Variants in WDR33 observed in about 807,000 individuals in gnomAD.
The protein encoded by WDR33 is pre-mRNA 3' end processing protein WDR33.
Under a neutral mutation model 164.9 loss-of-function variants are expected in WDR33, and 47 were observed. The ratio of observed to expected loss-of-function variants is 0.29; its 90% CI spans 0.23 to 0.36. WDR33 has a LOEUF of 0.36. Among genes scored for constraint, WDR33 ranks in the 10% least tolerant of loss-of-function variants. The pLI, the probability that WDR33 is intolerant of heterozygous loss-of-function variation, is 1.00. For synonymous variants in WDR33, 505 were observed against 589.0 expected (o/e 0.86, Z 2.06); for missense variants, 1,137 against 1,754.1 (o/e 0.65, Z 6.28).
chr2:127,769,859 G>T (rs946962589), intron 2 of WDR33, among the ~76,000 whole-genome samples: 3 of 152,192 alleles, frequency 2.0e-5, no homozygotes, highest in African/African-American at 4.8e-5. Flanking sequence ...GGTAATATTA[G>T]TAATAAGGCT....
Position 127,735,478 on chromosome 2 carries a change from A to C in WDR33, c.725-8701T>G, listed in dbSNP as rs1686815700. The C allele has an allele frequency of 1.0e-6, 1 of 983,724 alleles. No homozygotes were observed. The highest frequency in any genetic ancestry group is 6.1e-5 in the Admixed American group (1 of 16,266). 60.9% of individuals were successfully genotyped at this position (983,724 alleles called of 1,614,324 possible). A position where few individuals can be genotyped will look rare whatever the true frequency, so the allele number is the denominator to read the frequency against. Reference sequence around the variant, plus strand: ...TCAGACCATTTTATGAACAAATCTTAAAAAAAATTCTTTTATACAAAACTT... The same window carrying C: ...TCAGACCATTTTATGAACAAATCTTCAAAAAAATTCTTTTATACAAAACTT... On this transcript the variant is annotated intron_variant, in intron 7 of 21. Coordinates refer to ENST00000322313, the MANE Select transcript of WDR33 (RefSeq NM_018383.5). The surrounding 1 kb of genome is among the most constrained non-coding windows in gnomAD (Gnocchi z 4.3).
chr2:127,747,663 T>G (rs1395964346), intron 7 of WDR33, among the ~76,000 whole-genome samples: 1 of 152,206 alleles, frequency 6.6e-6, no homozygotes, highest in African/African-American at 2.4e-5. Flanking sequence ...GCTTGTCTAA[T>G]GCTGGTTAAC....
In WDR33 at chr2:127,706,619, C is replaced by T. The variant is rs1241984605; in HGVS notation, c.3782-67G>A. On this transcript the variant is annotated intron_variant, in intron 21 of 21. Transcript: ENST00000322313. This position sits in a 1 kb window ranked among gnomAD's most constrained non-coding sequence, Gnocchi z 5.1. Reference sequence around the variant, plus strand: ...AACTGTTTGTCAGTAACTCCCAGTACAAACTTTACTCTCTGATGACAATGG... The same window carrying T: ...AACTGTTTGTCAGTAACTCCCAGTATAAACTTTACTCTCTGATGACAATGG... 2.8e-6 allele frequency: 4 copies of T among 1,419,188 alleles called. No individual in the cohort carries two copies. In the East Asian group the frequency reaches 7.0e-5, roughly 25 times the overall value. The allele number at this position is 1,419,188 out of a possible 1,614,324, so 87.9% of individuals were successfully genotyped here.
chr2:127,761,509 T>C (rs1360958225), intron 7 of WDR33, among the ~76,000 whole-genome samples: 1 of 152,190 alleles, frequency 6.6e-6, no homozygotes, highest in East Asian at 1.9e-4. Context: ...TACTCTAGAA[T>C]TACTTTTAAT....
intron 1 of WDR33, among the ~76,000 whole-genome samples, chr2:127,800,570 G>A (rs1256762602): frequency 6.6e-6 from 1 of 150,996 alleles, no homozygotes; most frequent in African/African-American, 2.4e-5. Context: ...CCAGGAGTCG[G>A]AGCTTGCAGT....
chr2:127,750,677 A>AAATAT (rs1558936792), intron 7 of WDR33, among the ~76,000 whole-genome samples: 3 of 35,792 alleles, frequency 8.4e-5, no homozygotes, highest in African/African-American at 1.5e-4. Flanking sequence ...AAAAAAAAAA[A>AAATAT]ATATATATAT....
intron 4 of WDR33, among the ~76,000 whole-genome samples, chr2:127,767,557 C>CA (rs1182207542): frequency 1.3e-5 from 2 of 151,342 alleles, no homozygotes; most frequent in East Asian, 1.9e-4. Context: ...ACTAAAAATA[C>CA]AAAAAAAAGT....
chr2:127,807,745 T>A (rs1312638173), intron 1 of WDR33, among the ~76,000 whole-genome samples: 1 of 150,012 alleles, frequency 6.7e-6, no homozygotes, highest in East Asian at 2.0e-4. Context: ...AAATTCATTC[T>A]TCAATTTGTA....
intron 1 of WDR33, among the ~76,000 whole-genome samples, chr2:127,777,287 A>G (rs1395009537): frequency 6.6e-6 from 1 of 152,224 alleles, no homozygotes; most frequent in East Asian, 1.9e-4. Context: ...ACAGCGCACA[A>G]TTCTGATTCA....
At position 127,766,786 on chromosome 2, in the gene WDR33, TGAA is replaced by T. The variant is rs1573931611; in HGVS notation, c.378+1400_378+1402del. 4.0e-5 allele frequency among the ~76,000 whole-genome samples: 6 copies of T among 149,688 alleles called. No homozygotes were observed. The East Asian group carries it at 1.2e-3, about 30-fold the overall frequency. On this transcript the variant is annotated intron_variant, in intron 4 of 21. Coordinates refer to ENST00000322313, the MANE Select transcript of WDR33 (RefSeq NM_018383.5). ...CATAACAATGTTTCTTTTTTTTTTTTGAAACAGAGTTTCGATCTTGTCGCCCAG... is the reference window on the plus strand; with the variant it reads ...CATAACAATGTTTCTTTTTTTTTTTTACAGAGTTTCGATCTTGTCGCCCAG...
rs1300119919 is a variant in WDR33, at chr2:127,770,033, C to T, written c.204+745G>A. 6.6e-6 allele frequency among the ~76,000 whole-genome samples: 1 copy of T among 152,148 alleles called. No individual in the cohort carries two copies. The highest frequency in any genetic ancestry group is 1.5e-5 in the Non-Finnish European group (1 of 68,016). On this transcript the variant is annotated intron_variant, in intron 2 of 21. Transcript: ENST00000322313. The surrounding 1 kb of genome is among the most constrained non-coding windows in gnomAD (Gnocchi z 4.9). ...CCCTTTTCCTGACTCTAAGAAATAC[C>T]TACCACCAGGGCTTGGAAGTGGGAG...
intron 7 of WDR33, among the ~76,000 whole-genome samples, chr2:127,749,397 C>T (rs908108842): frequency 6.6e-6 from 1 of 151,986 alleles, no homozygotes; most frequent in Non-Finnish European, 1.5e-5. Context: ...TGTGGTGGCT[C>T]GTGTCTGTAA....
Position 127,794,875 on chromosome 2 carries a change from C to A in WDR33, c.-24+16137G>T, listed in dbSNP as rs116783993. On this transcript the variant is annotated intron_variant, in intron 1 of 21. Coordinates refer to ENST00000322313, the MANE Select transcript of WDR33 (RefSeq NM_018383.5). The stretch of plus-strand genomic sequence containing the variant: ...AAAGAAAGAAAGAAAGAAATACTTT[C>A]AAGCTGGGTGTGGTGAATATGCACC... Among the ~76,000 whole-genome samples the A allele has an allele frequency of 5.6e-3, 833 of 149,698 alleles. 21 individuals carry two copies. Among genetic ancestry groups the A allele is most frequent in the African/African-American group, 0.019 (780 of 40,672 alleles).
At chr2:127,806,441 C>T (rs902528791) in intron 1 of WDR33, among the ~76,000 whole-genome samples, 32 of 152,152 alleles carry the variant, frequency 2.1e-4, no homozygotes, top group African/African-American at 7.7e-4. Flanking sequence ...CTCCTGACCT[C>T]AGGTGATCTG....
chr2:127,811,156 A>C lies in WDR33; in HGVS notation c.-168T>G, dbSNP rs903675920. The stretch of plus-strand genomic sequence containing the variant: ...CAGCCGCCATCTTCCCCTATGGGCC[A>C]CCGAACGCACGCTCTGGGGTCATCA... On this transcript the variant is annotated 5_prime_UTR_variant, in exon 1 of 22. Transcript: ENST00000322313. The surrounding 1 kb of genome is among the most constrained non-coding windows in gnomAD (Gnocchi z 4.1). The C allele has an allele frequency of 6.5e-6, 1 of 152,812 alleles. No homozygotes were observed. Among genetic ancestry groups the C allele is most frequent in the African/African-American group, 2.4e-5 (1 of 41,458 alleles). 9.5% of individuals were successfully genotyped at this position (152,812 alleles called of 1,614,324 possible).
chr2:127,725,996 C>T (rs763488890), intron 8 of WDR33, among the ~76,000 whole-genome samples: 32 of 152,054 alleles, frequency 2.1e-4, no homozygotes, highest in Admixed American at 7.2e-4. Context: ...TGGATATCTC[C>T]AAGGGAGCAT....
Position 127,720,469 on chromosome 2 carries a change from CT to C in WDR33, c.1672-117del. 8.0e-7 allele frequency: 1 copy of C among 1,250,250 alleles called. No homozygotes were observed. The allele number at this position is 1,250,250 out of a possible 1,614,324, so 77.4% of individuals were successfully genotyped here. On this transcript the variant is annotated intron_variant, in intron 15 of 21. Transcript: ENST00000322313. The surrounding 1 kb of genome is among the most constrained non-coding windows in gnomAD (Gnocchi z 5.9). ...CTCTCAAACATAAAAACTGCTCAAA[CT>C]CTTCACGCTCCAGTGGTAATTAGAG...
intron 1 of WDR33, among the ~76,000 whole-genome samples, chr2:127,783,255 G>A (rs1420839104): frequency 2.0e-5 from 3 of 152,190 alleles, no homozygotes; most frequent in Non-Finnish European, 4.4e-5. Flanking sequence ...TTTACATTCA[G>A]TTTTCTGTGC....
chr2:127,752,596 C>CAAAAAAAAA (rs34369142), intron 7 of WDR33, among the ~76,000 whole-genome samples: 1 of 76,596 alleles, frequency 1.3e-5, no homozygotes, highest in Non-Finnish European at 2.6e-5. Flanking sequence ...GACTCCGTCT[C>CAAAAAAAAA]AAAAAAAAAA....
Sources: allele counts gnomAD v4.1 joint callset (sites outside exome capture counted in the v4.1 genomes callset), GRCh38; gene constraint gnomAD v4.1.1; non-coding constraint Gnocchi (gnomAD v3.1); transcripts MANE v1.5; gene names NCBI Gene and HGNC (gene_info 2026-07-23, HGNC 2026-07-21).